The following DKK3 variants were observed in gnomAD, a reference collection of about 807,000 sequenced individuals.
DKK3 encodes dickkopf Wnt signaling pathway inhibitor 3.
A neutral mutation model predicts 33.2 loss-of-function variants in DKK3; 22 were observed. The ratio of observed to expected loss-of-function variants is 0.66; its 90% CI spans 0.47 to 0.95. The LOEUF (loss-of-function observed/expected upper bound fraction) is 0.95. Ranked by LOEUF, DKK3 falls within the 40% of genes least tolerant of loss-of-function variation. The pLI is 0.00. For missense variants in DKK3, 398 were observed against 458.4 expected (o/e 0.87, Z 1.20); for synonymous variants, 194 against 188.8 (o/e 1.03, Z -0.23).
intron 3 of DKK3, 96 bp downstream of exon 3, chr11:11,998,600 C>G (rs1014922759): frequency 4.8e-5 from 52 of 1,075,582 alleles, no homozygotes; most frequent in Middle Eastern, 2.0e-4. Flanking sequence ...TCCACTCCCT[C>G]CTGCCCATGG....
chr11:12,002,009 T>G, intron 2 of DKK3: 1 of 254,348 alleles, frequency 3.9e-6, no homozygotes, highest in East Asian at 7.3e-5. Flanking sequence ...AGACATCCAT[T>G]TGCTTTCTTT....
intron 2 of DKK3, among the ~76,000 whole-genome samples, chr11:12,000,862 G>A (rs1334040920): frequency 1.3e-5 from 2 of 152,122 alleles, no homozygotes; most frequent in South Asian, 4.1e-4. Context: ...CTACTGCACT[G>A]TGTTAATAAC....
At chr11:11,977,221 T>G (rs1165085584) in intron 3 of DKK3, among the ~76,000 whole-genome samples, 1 of 152,162 alleles carries the variant, frequency 6.6e-6, no homozygotes, top group Non-Finnish European at 1.5e-5. Context: ...AACCCTTTAG[T>G]GCCTGTCATG....
At chr11:11,968,620 C>T in intron 3 of DKK3, 133 bp from the exon 4 acceptor site, 1 of 765,948 alleles carries the variant, frequency 1.3e-6, no homozygotes, top group Non-Finnish European at 2.0e-6. Flanking sequence ...GGAAAGGCCT[C>T]CAGACTCTAG....
intron 4 of DKK3, among the ~76,000 whole-genome samples, chr11:11,968,097 G>A (rs1847640749): frequency 1.3e-5 from 2 of 152,120 alleles, no homozygotes; most frequent in African/African-American, 2.4e-5. Flanking sequence ...GATTACAGGT[G>A]TAGCCACGGT....
intron 6 of DKK3, among the ~76,000 whole-genome samples, chr11:11,965,069 G>A (rs1847555184): frequency 6.6e-6 from 1 of 152,212 alleles, no homozygotes. Context: ...GCCACATGCA[G>A]GGAGCCATGG....
intron 1 of DKK3, among the ~76,000 whole-genome samples, chr11:12,005,279 A>G (rs565294459): frequency 1.3e-5 from 2 of 152,386 alleles, no homozygotes; most frequent in African/African-American, 4.8e-5. Context: ...AACTAAAAGT[A>G]TAGTTTACAA....
chr11:12,000,506 CT>C (rs1430643832), intron 2 of DKK3, among the ~76,000 whole-genome samples: 97 of 137,010 alleles, frequency 7.1e-4, no homozygotes, highest in South Asian at 2.8e-3. Flanking sequence ...CGTGCCTGGC[CT>C]TTTTTTTTTT....
chr11:12,001,370 G>A (rs577656493), intron 2 of DKK3, among the ~76,000 whole-genome samples: 1 of 152,284 alleles, frequency 6.6e-6, no homozygotes, highest in African/African-American at 2.4e-5. Flanking sequence ...TCAAGGCAAC[G>A]GCACATAAAA....
intron 3 of DKK3, among the ~76,000 whole-genome samples, chr11:11,982,412 C>G (rs1015061671): frequency 6.6e-6 from 1 of 152,150 alleles, no homozygotes; most frequent in Middle Eastern, 3.2e-3. Flanking sequence ...CCTGCTCTAC[C>G]CCAGCCTCTC....
At chr11:11,974,418 C>T (rs980190728) in intron 3 of DKK3, among the ~76,000 whole-genome samples, 5 of 152,190 alleles carry the variant, frequency 3.3e-5, no homozygotes, top group African/African-American at 1.2e-4. Context: ...GCTCATGGTT[C>T]TGCAGGCTGG....
upstream of DKK3, chr11:12,008,769 A>C: frequency 1.7e-6 from 2 of 1,181,314 alleles, no homozygotes; most frequent in Non-Finnish European, 2.1e-6. This position sits in a 1 kb window ranked among gnomAD's most constrained non-coding sequence, Gnocchi z 4.6. Context: ...CAGCTCCCCT[A>C]CACCCGAAAA....
At position 11,967,091 on chromosome 11, in the gene DKK3, GTGCAGAGC is replaced by G. The variant is rs1847615889; in HGVS notation, c.529-1_535del. On this transcript the variant is annotated splice_acceptor_variant and coding_sequence_variant, in exon 5 of 7. Coordinates refer to ENST00000683431, the MANE Select transcript of DKK3 (RefSeq NM_001018057.2). LOFTEE classifies it high-confidence loss of function. ...GTCTCCACAGCACTCACTGTCCCGG[GTGCAGAGC>G]TGCAGACAGGTGGAAAGAGCCTAGA... The G allele has an allele frequency of 3.7e-6, 6 of 1,613,454 alleles. No individual in the cohort carries two copies. The highest frequency in any genetic ancestry group is 4.2e-6 in the Non-Finnish European group (5 of 1,179,820).
intron 2 of DKK3, among the ~76,000 whole-genome samples, chr11:12,001,319 C>T (rs1423556469): frequency 2.0e-5 from 3 of 152,200 alleles, no homozygotes; most frequent in African/African-American, 7.2e-5. Flanking sequence ...GAGCCCATTA[C>T]GATGCAGTGG....
At chr11:11,983,582 G>C (rs999827414) in intron 3 of DKK3, among the ~76,000 whole-genome samples, 6 of 152,208 alleles carry the variant, frequency 3.9e-5, no homozygotes, top group African/African-American at 1.4e-4. Flanking sequence ...GCTGCAGAGG[G>C]AGAAGGGAGT....
chr11:12,008,825 C>A, upstream of DKK3: 1 of 1,169,510 alleles, frequency 8.6e-7, no homozygotes, highest in Non-Finnish European at 1.1e-6. This position sits in a 1 kb window ranked among gnomAD's most constrained non-coding sequence, Gnocchi z 4.6. Context: ...CGCCCCAGGA[C>A]CCCGCACCCC....
chr11:11,965,337 GA>G (rs1200389907), intron 6 of DKK3, among the ~76,000 whole-genome samples: 1 of 152,200 alleles, frequency 6.6e-6, no homozygotes, highest in Non-Finnish European at 1.5e-5. Context: ...CTGCGGGGAG[GA>G]CAGGGAGATG....
intron 3 of DKK3, among the ~76,000 whole-genome samples, chr11:11,996,495 C>T (rs148882689): frequency 6.6e-6 from 1 of 152,310 alleles, no homozygotes; most frequent in Non-Finnish European, 1.5e-5. Flanking sequence ...ACACATGCCA[C>T]ATTCTCTGCC....
intron 2 of DKK3, among the ~76,000 whole-genome samples, chr11:12,000,649 C>T (rs767338992): frequency 6.6e-6 from 1 of 151,158 alleles, no homozygotes; most frequent in East Asian, 1.9e-4. Context: ...GGATTACAGG[C>T]ACGTGACACC....
Sources: gnomAD v4.1 joint callset for allele counts (sites outside exome capture counted in the v4.1 genomes callset) on GRCh38, gnomAD v4.1.1 for gene constraint, Gnocchi (gnomAD v3.1) non-coding constraint, MANE v1.5 for transcripts, NCBI Gene and HGNC (gene_info 2026-07-23, HGNC 2026-07-21) for gene names.